ANP32B: variants seen among roughly 807,000 people sequenced by gnomAD.
The protein encoded by ANP32B is acidic nuclear phosphoprotein 32 family member B.
Under a neutral mutation model 32.2 loss-of-function variants are expected in ANP32B, and 6 were observed. The observed-to-expected ratio is 0.19, with a 90% confidence interval of 0.10 to 0.37. The LOEUF (loss-of-function observed/expected upper bound fraction) is 0.37, where lower values mean the gene tolerates loss of function less well. ANP32B is among the 10% of genes least tolerant of loss of function. The pLI is 1.00. For missense variants in ANP32B, 204 were observed against 289.2 expected (o/e 0.71, Z 2.14); for synonymous variants, 98 against 105.8 (o/e 0.93, Z 0.45).
At chr9:98,011,907 A>G (rs1828191528) in intron 5 of ANP32B, among the ~76,000 whole-genome samples, 2 of 152,254 alleles carry the variant, frequency 1.3e-5, no homozygotes, top group South Asian at 2.1e-4. Flanking sequence ...AATAAATGCT[A>G]TACGAGGGCA....
intron 1 of ANP32B, among the ~76,000 whole-genome samples, chr9:97,990,844 T>C (rs945039744): frequency 1.6e-5 from 2 of 122,454 alleles, no homozygotes; most frequent in East Asian, 5.1e-4. Context: ...TTTTGAGACA[T>C]AATCTTGCTC....
At chr9:97,986,661 C>G (rs976792089) in intron 1 of ANP32B, 58 of 152,250 alleles carry the variant, frequency 3.8e-4, no homozygotes, top group African/African-American at 1.4e-3. Flanking sequence ...GTGTGATGTG[C>G]TGGAACATGC....
At chr9:97,991,674 TAAAG>T (rs1172059547) in intron 1 of ANP32B, among the ~76,000 whole-genome samples, 1 of 152,194 alleles carries the variant, frequency 6.6e-6, no homozygotes, top group Non-Finnish European at 1.5e-5. Context: ...ACATTTTAAA[TAAAG>T]AACTCTTAAC....
At chr9:97,993,198 C>T (rs909163329) in intron 1 of ANP32B, among the ~76,000 whole-genome samples, 3 of 152,108 alleles carry the variant, frequency 2.0e-5, no homozygotes, top group South Asian at 2.1e-4. Flanking sequence ...TAGTGAGAAG[C>T]GGTTAGGCAC....
intron 5 of ANP32B, 25 bp from the exon 6 acceptor site, chr9:98,012,396 T>A: frequency 1.2e-6 from 2 of 1,604,722 alleles, no homozygotes; most frequent in South Asian, 2.3e-5. Flanking sequence ...ATTAATTTAA[T>A]GTTATGCTGT....
rs766380539 is a variant in ANP32B at position 97,996,672 on chromosome 9, C to T, written c.205-1884C>T. On this transcript the variant is annotated intron_variant, in intron 2 of 6. Coordinates refer to ENST00000339399, the MANE Select transcript of ANP32B (RefSeq NM_006401.3). ...GCAGTGGTGCCATCTCGGCTCACTG[C>T]AACCTCCGCCTCCCAGGTTCAAGCG... 2.0e-3 allele frequency among the ~76,000 whole-genome samples: 303 copies of T among 152,186 alleles called. 2 individuals carry two copies. The highest frequency in any genetic ancestry group is 4.0e-3 in the Non-Finnish European group (274 of 68,012).
At chr9:98,005,366 T>A (rs1587878478) in intron 4 of ANP32B, 23 of 332,122 alleles carry the variant, frequency 6.9e-5, no homozygotes, top group East Asian at 2.7e-4. Context: ...AAAAAAAAAA[T>A]TAGCCAGGTG....
At chr9:97,989,755 A>C (rs2131581656) in intron 1 of ANP32B, among the ~76,000 whole-genome samples, 1 of 152,230 alleles carries the variant, frequency 6.6e-6, no homozygotes. Flanking sequence ...GGCAGTCTAG[A>C]TCTCTATACC....
chr9:97,984,060 G>C (rs1417203677), intron 1 of ANP32B, among the ~76,000 whole-genome samples: 3 of 150,064 alleles, frequency 2.0e-5, no homozygotes, highest in Non-Finnish European at 4.5e-5. Flanking sequence ...GGGCCGGCCG[G>C]GGAAGGGGCG....
At chr9:97,992,176 G>A (rs1364193212) in intron 1 of ANP32B, among the ~76,000 whole-genome samples, 3 of 151,944 alleles carry the variant, frequency 2.0e-5, no homozygotes, top group African/African-American at 7.3e-5. Flanking sequence ...TGCAACTTCT[G>A]CCTCCCAGGT....
chr9:97,983,726 T>A, intron 1 of ANP32B, 117 bp downstream of exon 1: 2 of 763,960 alleles, frequency 2.6e-6, no homozygotes, highest in South Asian at 4.4e-5. Flanking sequence ...GCGCAGCTCG[T>A]GGGCTCGGAC....
At chr9:98,007,898 A>G (rs1442392643) in intron 4 of ANP32B, among the ~76,000 whole-genome samples, 1 of 152,192 alleles carries the variant, frequency 6.6e-6, no homozygotes, top group African/African-American at 2.4e-5. Context: ...ATGGCGTTCT[A>G]AAGGTGGATC....
Position 97,983,627 on chromosome 9 carries a change from TG to T in ANP32B, c.54+21del. 6.5e-7 allele frequency: 1 copy of T among 1,549,736 alleles called. No homozygotes were observed. ...CGGCAGCTGTAAGCAGAGACCCCTCTGGGTGCCCTCTCCCCCGATGACTTGC... is the reference window on the plus strand; with the variant it reads ...CGGCAGCTGTAAGCAGAGACCCCTCTGGTGCCCTCTCCCCCGATGACTTGC... On this transcript the variant is annotated intron_variant, in intron 1 of 6. Coordinates refer to ENST00000339399, the MANE Select transcript of ANP32B (RefSeq NM_006401.3).
At chr9:97,989,417 C>G (rs1295197514) in intron 1 of ANP32B, among the ~76,000 whole-genome samples, 1 of 151,958 alleles carries the variant, frequency 6.6e-6, no homozygotes, top group Non-Finnish European at 1.5e-5. Flanking sequence ...TGAGAAAAGG[C>G]AAGTTTAATT....
intron 4 of ANP32B, among the ~76,000 whole-genome samples, chr9:98,008,139 TC>T (rs1828118740): frequency 6.6e-6 from 1 of 152,138 alleles, no homozygotes; most frequent in Non-Finnish European, 1.5e-5. Flanking sequence ...GTCCCCAGCC[TC>T]CACAGGCCCC....
chr9:97,988,799 A>C (rs1827779028), intron 1 of ANP32B, among the ~76,000 whole-genome samples: 1 of 152,216 alleles, frequency 6.6e-6, no homozygotes, highest in Non-Finnish European at 1.5e-5. Context: ...AGAAGATTTG[A>C]ATACTGGTTA....
chr9:97,990,515 C>T (rs749228695), intron 1 of ANP32B, among the ~76,000 whole-genome samples: 22 of 152,166 alleles, frequency 1.4e-4, no homozygotes, highest in Non-Finnish European at 2.6e-4. Context: ...GCGTTCTGTT[C>T]TTGGGGTGGC....
chr9:97,985,372 C>T (rs947416207), intron 1 of ANP32B, among the ~76,000 whole-genome samples: 1 of 152,144 alleles, frequency 6.6e-6, no homozygotes, highest in Non-Finnish European at 1.5e-5. Context: ...CCGGAGGGCC[C>T]GCGAGGGTGG....
intron 3 of ANP32B, among the ~76,000 whole-genome samples, chr9:97,999,330 G>A (rs1827953507): frequency 2.0e-5 from 3 of 152,092 alleles, no homozygotes; most frequent in Admixed American, 2.0e-4. Flanking sequence ...CTTCAGACTG[G>A]CCAAGCCATT....
Sources: gnomAD v4.1 joint callset for allele counts (sites outside exome capture counted in the v4.1 genomes callset) on GRCh38, gnomAD v4.1.1 for gene constraint, MANE v1.5 for transcripts, NCBI Gene and HGNC (gene_info 2026-07-23, HGNC 2026-07-21) for gene names.